UBC: variants seen among roughly 807,000 people sequenced by gnomAD.
UBC encodes the protein polyubiquitin-C.
A neutral mutation model predicts 34.7 loss-of-function variants in UBC; 8 were observed. The observed-to-expected ratio is 0.23, with a 90% confidence interval of 0.14 to 0.42. The LOEUF is 0.42. Among genes scored for constraint, UBC ranks in the 10% least tolerant of loss-of-function variants. The pLI, the probability that UBC is intolerant of heterozygous loss-of-function variation, is 1.00. For synonymous variants in UBC, 367 were observed against 299.8 expected, an observed-to-expected ratio of 1.22 and a Z score of -2.32; for missense variants, 323 against 750.3, an observed-to-expected ratio of 0.43 and a Z score of 6.65.
chr12:124,912,878 C>A lies in UBC; in HGVS notation c.894G>T (p.Val298=), dbSNP rs1402841594. Residue 298 remains valine (V), a synonymous_variant, in exon 2 of 2, where the codon GTG becomes GTT. Transcript: ENST00000339647. ...TCTGCATCCCACCTCTGAGACGGAGCACCAGGTGCAGGGTAGACTCTTTCT... is the reference window on the plus strand; with the variant it reads ...TCTGCATCCCACCTCTGAGACGGAGAACCAGGTGCAGGGTAGACTCTTTCT... ...NIQKESTLHL[V]LRLRGGMQIF... is the part of the protein sequence containing the mutation. 6.2e-7 allele frequency: 1 copy of A among 1,608,532 alleles called. No individual in the cohort carries two copies. Among genetic ancestry groups the A allele is most frequent in the African/African-American group, 1.4e-5 (1 of 73,664 alleles).
intron 1 of UBC, chr12:124,914,270 C>G (rs930440778): frequency 2.7e-5 from 5 of 183,754 alleles, no homozygotes; most frequent in African/African-American, 1.2e-4. Flanking sequence ...ACGTCAGGGT[C>G]CCCAGATGGT....
At position 124,912,654 on chromosome 12, in the gene UBC, A is replaced by G; in HGVS notation, c.1118T>C (p.Leu373Pro). 6.2e-7 allele frequency: 1 copy of G among 1,611,150 alleles called. No individual in the cohort carries two copies. Among genetic ancestry groups the G allele is most frequent in the Non-Finnish European group, 8.5e-7 (1 of 1,179,274 alleles). Residue 373 changes from leucine (L) to proline (P), a missense_variant, in exon 2 of 2, where the codon CTG (leucine) becomes CCG (proline). Around this residue, in one of 5 missense-constraint regions of UBC, gnomAD observed 66 missense variants for 125.4 expected, o/e 0.53. Transcript: ENST00000339647. ...YNIQKESTLHLVLRLRGGMQI... is the reference protein window; with the variant it reads ...YNIQKESTLHPVLRLRGGMQI... ...CATCCCACCTCTGAGACGGAGCACC[A>G]GGTGCAAGGTGGACTCTTTCTGGAT...
chr12:124,913,803 T>C, intron 1 of UBC, 29 bp from the exon 2 acceptor site: 1 of 1,611,520 alleles, frequency 6.2e-7, no homozygotes, highest in Non-Finnish European at 8.5e-7. Flanking sequence ...ACGGCCAGAA[T>C]TTAGCGGACA....
chr12:124,913,000 T>C lies in UBC; in HGVS notation c.772A>G (p.Ile258Val). ...SDTIENVKAK[I>V]QDKEGIPPDQ... Reference sequence around the variant, plus strand: ...GGAGGAATGCCTTCCTTGTCTTGGATCTTTGCTTTGACGTTCTCGATAGTG... The same window carrying C: ...GGAGGAATGCCTTCCTTGTCTTGGACCTTTGCTTTGACGTTCTCGATAGTG... The change falls in exon 2 of 2, where the codon ATC (isoleucine) becomes GTC (valine). Residue 258 changes from isoleucine (I) to valine (V), a missense_variant. Physicochemically the swap from Ile to Val is conservative, Grantham distance 29. Transcript: ENST00000339647. 6.2e-7 allele frequency: 1 copy of C among 1,611,114 alleles called. No individual in the cohort carries two copies. The highest frequency in any genetic ancestry group is 8.5e-7 in the Non-Finnish European group (1 of 1,179,008).
At chr12:124,913,872 T>C (rs1953565975) in intron 1 of UBC, 98 bp from the exon 2 acceptor site, 2 of 1,547,158 alleles carry the variant, frequency 1.3e-6, no homozygotes, top group Non-Finnish European at 1.7e-6. Flanking sequence ...TTTCAAAAGG[T>C]GCCTAAAAAA....
Position 124,913,496 on chromosome 12 carries a change from C to T in UBC, c.276G>A (p.Glu92=), listed in dbSNP as rs771096171. The T allele has an allele frequency of 1.6e-5, 26 of 1,611,216 alleles. No homozygotes were observed. The highest frequency in any genetic ancestry group is 1.9e-5 in the Non-Finnish European group (22 of 1,179,042). ...KTLTGKTITL[E]VEPSDTIENV... ...TCTCGATGGTGTCACTGGGCTCGAC[C>T]TCAAGGGTGATGGTCTTGCCAGTGA... The change falls in exon 2 of 2, where the codon GAG becomes GAA. Residue 92 remains glutamate (E), a synonymous_variant. Transcript: ENST00000339647.
chr12:124,912,751 G>A lies in UBC; in HGVS notation c.1021C>T (p.Pro341Ser), dbSNP rs1953540848. 1 of 1,605,232 alleles carries A rather than the reference G, an allele frequency of 6.2e-7. No individual in the cohort carries two copies. Among genetic ancestry groups the A allele is most frequent in the South Asian group, 1.1e-5 (1 of 90,584 alleles). The change falls in exon 2 of 2, where the codon CCT becomes TCT. Residue 341 changes from proline to serine, a missense_variant. By Grantham distance (74) the Pro-to-Ser change is moderately conservative. This residue lies in a region of UBC where 66 missense variants were observed against 125.4 expected (regional missense o/e 0.53). Coordinates refer to ENST00000339647, the MANE Select transcript of UBC (RefSeq NM_021009.7). ...KAKIQDKEGIPPDQQRLIFAG... is the reference protein window; with the variant it reads ...KAKIQDKEGISPDQQRLIFAG... Reference sequence around the variant, plus strand: ...AAGATCAACCTCTGCTGGTCAGGAGGGATGCCTTCCTTGTCTTGGATCTTT... The same window carrying A: ...AAGATCAACCTCTGCTGGTCAGGAGAGATGCCTTCCTTGTCTTGGATCTTT...
intron 1 of UBC, 176 bp from the exon 2 acceptor site, chr12:124,913,950 ATAGG>A: frequency 1.0e-6 from 1 of 996,566 alleles, no homozygotes; most frequent in Non-Finnish European, 1.4e-6. Context: ...ACTTAAGAAG[ATAGG>A]TACATAAAAC....
chr12:124,914,066 G>C (rs1441706446), intron 1 of UBC: 1 of 450,208 alleles, frequency 2.2e-6, no homozygotes, highest in African/African-American at 2.0e-5. Context: ...TGCGTCCTGC[G>C]ACGGAGAAAA....
Position 124,912,771 on chromosome 12 carries a change from A to G in UBC, c.1001T>C (p.Ile334Thr). 1 of 1,602,102 alleles carries G rather than the reference A, an allele frequency of 6.2e-7. No individual in the cohort carries two copies. The highest frequency in any genetic ancestry group is 8.5e-7 in the Non-Finnish European group (1 of 1,176,802). ...AGGAGGGATGCCTTCCTTGTCTTGG[A>G]TCTTTGCCTTGACATTCTCAATGGT... ...SDTIENVKAK[I>T]QDKEGIPPDQ... The change falls in exon 2 of 2, where the codon ATC (isoleucine) becomes ACC (threonine). Residue 334 changes from isoleucine to threonine, a missense_variant. Around this residue, in one of 5 missense-constraint regions of UBC, gnomAD observed 66 missense variants for 125.4 expected, o/e 0.53. Transcript: ENST00000339647.
rs758100512 is a variant in UBC, at chr12:124,911,818, T to C, written c.1954A>G (p.Ile652Val). 6.2e-7 allele frequency: 1 copy of C among 1,612,724 alleles called. No homozygotes were observed. Among genetic ancestry groups the C allele is most frequent in the Admixed American group, 1.7e-5 (1 of 59,888 alleles). ...TCTTCCAGCTGTTTCCCAGCAAAGA[T>C]CAACCTCTGCTGATCAGGAGGGATG... ...EGIPPDQQRL[I>V]FAGKQLEDGR... The change falls in exon 2 of 2, where the codon ATC becomes GTC. Residue 652 changes from isoleucine (I) to valine (V), a missense_variant. Ile to Val is a conservative substitution (Grantham distance 29). Coordinates refer to ENST00000339647, the MANE Select transcript of UBC (RefSeq NM_021009.7).
In UBC at chr12:124,913,612, G is replaced by T. The variant is rs1382168997; in HGVS notation, c.160C>A (p.Arg54Ser). 3 of 1,612,042 alleles carry T rather than the reference G, an allele frequency of 1.9e-6. No homozygotes were observed. Among genetic ancestry groups the T allele is most frequent in the Non-Finnish European group, 8.5e-7 (1 of 1,179,166 alleles). The change falls in exon 2 of 2, where the codon CGC becomes AGC. Residue 54 changes from arginine (R) to serine (S), a missense_variant. By Grantham distance (110) the Arg-to-Ser change is moderately radical. Transcript: ENST00000339647. ...IFAGKQLEDG[R>S]TLSDYNIQKE... ...TGGATGTTGTAGTCAGACAGGGTGC[G>T]CCCATCTTCCAGCTGTTTTCCAGCA...
In UBC at chr12:124,912,752, G is replaced by A. The variant is rs113672171; in HGVS notation, c.1020C>T (p.Ile340=). 7.1e-5 allele frequency: 112 copies of A among 1,586,976 alleles called. No individual in the cohort carries two copies. Among genetic ancestry groups the A allele is most frequent in the African/African-American group, 3.8e-4 (25 of 65,836 alleles). Residue 340 remains isoleucine, a synonymous_variant, in exon 2 of 2, where the codon ATC becomes ATT. Transcript: ENST00000339647. ...VKAKIQDKEG[I]PPDQQRLIFA... is the part of the protein sequence containing the mutation. Reference sequence around the variant, plus strand: ...AGATCAACCTCTGCTGGTCAGGAGGGATGCCTTCCTTGTCTTGGATCTTTG... The same window carrying A: ...AGATCAACCTCTGCTGGTCAGGAGGAATGCCTTCCTTGTCTTGGATCTTTG...
At position 124,914,637 on chromosome 12, in the gene UBC, G is replaced by A. The variant is rs570427915; in HGVS notation, c.-54C>T. On this transcript the variant is annotated 5_prime_UTR_variant, in exon 1 of 2. Transcript: ENST00000339647. ...AACAAGAACTGCGACCCAAATCCCGGCTGCGACGGAACTAGCTGTGCCACA... is the reference window on the plus strand; with the variant it reads ...AACAAGAACTGCGACCCAAATCCCGACTGCGACGGAACTAGCTGTGCCACA... 3.3e-3 allele frequency: 505 copies of A among 152,474 alleles called. 1 individual carries two copies. Among genetic ancestry groups the A allele is most frequent in the Middle Eastern group, 0.017 (5 of 294 alleles). 9.4% of individuals were successfully genotyped at this position (152,474 alleles called of 1,614,324 possible).
rs7137123 is a variant in UBC at position 124,913,204 on chromosome 12, G to A, written c.568C>T (p.Pro190Ser). Reference sequence around the variant, plus strand: ...GCAAAGATCAACCTCTGCTGATCAGGAGGAATGCCTTCCTTATCTTGGATC... The same window carrying A: ...GCAAAGATCAACCTCTGCTGATCAGAAGGAATGCCTTCCTTATCTTGGATC... ...AKIQDKEGIPPDQQRLIFAGK... is the reference protein window; with the variant it reads ...AKIQDKEGIPSDQQRLIFAGK... The change falls in exon 2 of 2, where the codon CCT becomes TCT. Residue 190 changes from proline to serine, a missense_variant. Pro to Ser is a moderately conservative substitution (Grantham distance 74, BLOSUM62 -1). This residue lies in a region of UBC where 202 missense variants were observed against 361.9 expected (regional missense o/e 0.56). Coordinates refer to ENST00000339647, the MANE Select transcript of UBC (RefSeq NM_021009.7). The A allele has an allele frequency of 6.2e-7, 1 of 1,611,650 alleles. No individual in the cohort carries two copies. The highest frequency in any genetic ancestry group is 8.5e-7 in the Non-Finnish European group (1 of 1,178,646).
chr12:124,914,101 T>G (rs1331711059), intron 1 of UBC: 6 of 370,560 alleles, frequency 1.6e-5, no homozygotes, highest in Non-Finnish European at 3.0e-5. Flanking sequence ...TACCGGCAGG[T>G]GGCCCCACCC....
Position 124,913,856 on chromosome 12 carries a change from A to T in UBC, c.-3-82T>A, listed in dbSNP as rs1953565281. The T allele has an allele frequency of 5.8e-6, 9 of 1,565,152 alleles. No homozygotes were observed. In the East Asian group the frequency reaches 1.8e-4, roughly 31 times the overall value. Reference sequence around the variant, plus strand: ...TGAAAATTACATATTGACCCAAATGATTACATTTCAAAAGGTGCCTAAAAA... The same window carrying T: ...TGAAAATTACATATTGACCCAAATGTTTACATTTCAAAAGGTGCCTAAAAA... On this transcript the variant is annotated intron_variant, in intron 1 of 1. Coordinates refer to ENST00000339647, the MANE Select transcript of UBC (RefSeq NM_021009.7).
At chr12:124,913,873 GC>G in intron 1 of UBC, 99 bp from the exon 2 acceptor site, 1 of 1,544,324 alleles carries the variant, frequency 6.5e-7, no homozygotes. Context: ...TTCAAAAGGT[GC>G]CTAAAAAACT....
At chr12:124,914,038 T>C in intron 1 of UBC, 1 of 534,476 alleles carries the variant, frequency 1.9e-6, no homozygotes, top group Non-Finnish European at 3.2e-6. Context: ...CAGGAGAGCC[T>C]ACCCTAGGCC....
Sources: allele counts gnomAD v4.1 joint callset, GRCh38; gene constraint gnomAD v4.1.1; regional missense constraint gnomAD v4.1.1; transcripts MANE v1.5; gene names NCBI Gene and HGNC (gene_info 2026-07-23, HGNC 2026-07-21).